SWAP70: variants seen among roughly 807,000 people sequenced by gnomAD.
SWAP70 encodes switching B cell complex subunit SWAP70.
In SWAP70, 34 loss-of-function variants were observed where a neutral mutation model predicts 80.2. The ratio of observed to expected loss-of-function variants is 0.42; its 90% CI spans 0.32 to 0.56. The LOEUF (loss-of-function observed/expected upper bound fraction) is 0.56. Among genes scored for constraint, SWAP70 ranks in the 20% least tolerant of loss-of-function variants. The pLI, the probability that SWAP70 is intolerant of heterozygous loss-of-function variation, is 0.09. For synonymous variants in SWAP70, 239 were observed against 238.5 expected (o/e 1.00, Z -0.02); for missense variants, 578 against 690.7 (o/e 0.84, Z 1.83).
chr11:9,746,046 G>A (rs1851508242), intron 9 of SWAP70, among the ~76,000 whole-genome samples: 1 of 152,168 alleles, frequency 6.6e-6, no homozygotes, highest in Non-Finnish European at 1.5e-5. Flanking sequence ...CAGTGCCATC[G>A]CTCCTGCTGT....
In SWAP70 at chr11:9,749,200, A is replaced by C. The variant is rs765022552; in HGVS notation, c.1651+17A>C. 1 of 1,346,296 alleles carries C rather than the reference A, an allele frequency of 7.4e-7. No homozygotes were observed. Among genetic ancestry groups the C allele is most frequent in the South Asian group, 1.6e-5 (1 of 62,164 alleles). The allele number at this position is 1,346,296 out of a possible 1,614,324, so 83.4% of individuals were successfully genotyped here. A position where few individuals can be genotyped will look rare whatever the true frequency, so the allele number is the denominator to read the frequency against. ...TAGAACCAGGTAACAGACTCTATGAAGTAATCATATATTTATTTTTATTTT... is the reference window on the plus strand; with the variant it reads ...TAGAACCAGGTAACAGACTCTATGACGTAATCATATATTTATTTTTATTTT... On this transcript the variant is annotated intron_variant, in intron 11 of 11. Coordinates refer to ENST00000318950, the MANE Select transcript of SWAP70 (RefSeq NM_015055.4).
At chr11:9,682,326 G>C (rs570110650) in intron 1 of SWAP70, among the ~76,000 whole-genome samples, 1 of 152,186 alleles carries the variant, frequency 6.6e-6, no homozygotes, top group African/African-American at 2.4e-5. Context: ...ATGAAAAAGA[G>C]ATAGAAGAAG....
intron 2 of SWAP70, among the ~76,000 whole-genome samples, chr11:9,698,348 C>CT (rs1461685852): frequency 6.9e-6 from 1 of 145,878 alleles, no homozygotes; most frequent in Middle Eastern, 4.4e-3. Context: ...TGATCTGCCC[C>CT]CATTGGCCTC....
intron 1 of SWAP70, among the ~76,000 whole-genome samples, chr11:9,672,939 G>C (rs553914922): frequency 6.6e-6 from 1 of 152,182 alleles, no homozygotes; most frequent in East Asian, 1.9e-4. Flanking sequence ...CACACAAACT[G>C]TTTTTTTCTC....
intron 9 of SWAP70, chr11:9,741,055 T>TA (rs1166042549): frequency 6.5e-6 from 1 of 153,082 alleles, no homozygotes; most frequent in Non-Finnish European, 1.5e-5. Flanking sequence ...GAGACAACAC[T>TA]AAAAAGTATT....
At chr11:9,692,217 AATATAT>A (rs5789612) in intron 1 of SWAP70, among the ~76,000 whole-genome samples, 15 of 145,326 alleles carry the variant, frequency 1.0e-4, no homozygotes, top group Non-Finnish European at 1.4e-4. Context: ...GGCCACTTAA[AATATAT>A]ATATATATAT....
chr11:9,720,180 A>G, intron 3 of SWAP70: 1 of 985,374 alleles, frequency 1.0e-6, no homozygotes, highest in South Asian at 4.7e-5. Flanking sequence ...ATAATGAATC[A>G]AAAGGCCCTT....
chr11:9,690,912 A>T (rs1176660570), intron 1 of SWAP70, among the ~76,000 whole-genome samples: 1 of 151,872 alleles, frequency 6.6e-6, no homozygotes, highest in Admixed American at 6.6e-5. Flanking sequence ...ATAATTAATT[A>T]ATTAATTTTT....
intron 2 of SWAP70, among the ~76,000 whole-genome samples, chr11:9,710,456 C>T (rs964839554): frequency 6.6e-6 from 1 of 152,146 alleles, no homozygotes; most frequent in African/African-American, 2.4e-5. Context: ...GCTCTTTCTA[C>T]TCCTGGAGGA....
intron 3 of SWAP70, chr11:9,720,169 T>C (rs1225939655): frequency 1.0e-6 from 1 of 985,230 alleles, no homozygotes; most frequent in African/African-American, 1.7e-5. Context: ...CTTGGCCCAA[T>C]ATAATGAATC....
intron 9 of SWAP70, 111 bp from the exon 10 acceptor site, chr11:9,747,747 G>C: frequency 9.9e-7 from 1 of 1,011,626 alleles, no homozygotes; most frequent in Non-Finnish European, 1.5e-6. Flanking sequence ...TGGAATGAAA[G>C]GGGGATTAGA....
At chr11:9,723,030 G>A (rs1851160121) in intron 3 of SWAP70, among the ~76,000 whole-genome samples, 1 of 152,170 alleles carries the variant, frequency 6.6e-6, no homozygotes, top group South Asian at 2.1e-4. Context: ...GTAGGCTGGG[G>A]GATGATCACC....
chr11:9,669,702 T>G (rs1850351030), intron 1 of SWAP70, among the ~76,000 whole-genome samples: 1 of 152,196 alleles, frequency 6.6e-6, no homozygotes, highest in African/African-American at 2.4e-5. Flanking sequence ...GAGAGAGTTA[T>G]TGCTGGTGAT....
chr11:9,664,211 C>G lies in SWAP70; in HGVS notation c.32C>G (p.Ala11Gly). The G allele has an allele frequency of 1.9e-6, 3 of 1,592,484 alleles. No individual in the cohort carries two copies. Among genetic ancestry groups the G allele is most frequent in the Middle Eastern group, 1.7e-4 (1 of 5,956 alleles). The part of the protein sequence containing the change: MGSLKEELLK[A>G]IWHAFTALDQ... ...AGCTTGAAGGAGGAGCTGCTCAAAG[C>G]CATCTGGCACGCCTTCACCGCACTC... Residue 11 changes from alanine (A) to glycine (G), a missense_variant, in exon 1 of 12, where the codon GCC (alanine) becomes GGC (glycine). Transcript: ENST00000318950.
At chr11:9,685,145 C>G (rs1000236628) in intron 1 of SWAP70, among the ~76,000 whole-genome samples, 1 of 149,622 alleles carries the variant, frequency 6.7e-6, no homozygotes, top group Non-Finnish European at 1.5e-5. Flanking sequence ...GATGGAGTCT[C>G]GCTCTGTGCC....
At chr11:9,674,580 G>A (rs1445742573) in intron 1 of SWAP70, among the ~76,000 whole-genome samples, 2 of 152,066 alleles carry the variant, frequency 1.3e-5, no homozygotes, top group African/African-American at 2.4e-5. Flanking sequence ...GGCACCTGTG[G>A]TCCCAGCTAC....
At chr11:9,672,952 C>T (rs1221423735) in intron 1 of SWAP70, among the ~76,000 whole-genome samples, 1 of 152,050 alleles carries the variant, frequency 6.6e-6, no homozygotes, top group Admixed American at 6.6e-5. Context: ...TTTTTCTCTG[C>T]TCTCACACCA....
intron 4 of SWAP70, among the ~76,000 whole-genome samples, chr11:9,725,934 A>G (rs1851219293): frequency 6.6e-6 from 1 of 152,126 alleles, no homozygotes; most frequent in African/African-American, 2.4e-5. Context: ...CCATGGCATA[A>G]CGTTGAGTGA....
At chr11:9,734,087 A>C (rs939651725) in intron 7 of SWAP70, among the ~76,000 whole-genome samples, 1 of 152,138 alleles carries the variant, frequency 6.6e-6, no homozygotes, top group East Asian at 1.9e-4. Context: ...TAGCCTCCCA[A>C]ATCCAAAAGT....
Sources: allele counts gnomAD v4.1 joint callset (sites outside exome capture counted in the v4.1 genomes callset), GRCh38; gene constraint gnomAD v4.1.1; transcripts MANE v1.5; gene names NCBI Gene and HGNC (gene_info 2026-07-23, HGNC 2026-07-21).